USP37: variants seen among roughly 807,000 people sequenced by gnomAD.
USP37 encodes the protein ubiquitin carboxyl-terminal hydrolase 37.
USP37 carries 27 observed loss-of-function variants against 124.0 expected under a neutral mutation model. The ratio of observed to expected loss-of-function variants is 0.22; its 90% CI spans 0.16 to 0.30. USP37 has a LOEUF of 0.30. USP37 is among the 10% of genes least tolerant of loss of function. The pLI, the probability that USP37 is intolerant of heterozygous loss-of-function variation, is 1.00. For missense variants in USP37, 889 were observed against 1,140.4 expected (o/e 0.78, Z 3.17); for synonymous variants, 365 against 388.0 (o/e 0.94, Z 0.70).
At chr2:218,484,420 A>C (rs1348703678) in intron 16 of USP37, among the ~76,000 whole-genome samples, 1 of 151,980 alleles carries the variant, frequency 6.6e-6, no homozygotes, top group South Asian at 2.1e-4. Context: ...TCAGGAGTTC[A>C]AGACCAACCT....
intron 18 of USP37, among the ~76,000 whole-genome samples, chr2:218,478,555 C>T (rs1691092874): frequency 6.6e-6 from 1 of 152,056 alleles, no homozygotes; most frequent in Non-Finnish European, 1.5e-5. Flanking sequence ...TGATCAACTC[C>T]CAAATTTTCA....
chr2:218,485,659 A>G lies in USP37; in HGVS notation c.1670+5T>C. 6.5e-7 allele frequency: 1 copy of G among 1,539,906 alleles called. No homozygotes were observed. The highest frequency in any genetic ancestry group is 8.7e-7 in the Non-Finnish European group (1 of 1,151,398). On this transcript the variant is annotated splice_donor_5th_base_variant and intron_variant, in intron 16 of 25. Transcript: ENST00000258399. ...GCAAAAAAAAAAAAAAAAAAAAAAA[A>G]TTACCTAGGAAGCCTGTTAAATTTG...
intron 13 of USP37, among the ~76,000 whole-genome samples, chr2:218,496,263 A>T (rs1055119261): frequency 3.3e-5 from 5 of 152,040 alleles, no homozygotes; most frequent in Non-Finnish European, 7.4e-5. Context: ...ATTATATTCC[A>T]GTTTGGGTGA....
chr2:218,550,435 A>C (rs1486784530), intron 5 of USP37, among the ~76,000 whole-genome samples: 1 of 82,598 alleles, frequency 1.2e-5, no homozygotes, highest in Non-Finnish European at 2.4e-5. Context: ...TTTTAAAAAT[A>C]TTTTATAATT....
chr2:218,509,196 G>A (rs1689845680), intron 11 of USP37, among the ~76,000 whole-genome samples: 1 of 152,154 alleles, frequency 6.6e-6, no homozygotes, highest in Non-Finnish European at 1.5e-5. Context: ...TTAATGTGCA[G>A]TGAAAAAGAT....
rs759937668 is a variant in USP37 at position 218,454,678 on chromosome 2, T to TATTC, written c.*248_*251dup. On this transcript the variant is annotated 3_prime_UTR_variant, in exon 26 of 26. Coordinates refer to ENST00000258399, the MANE Select transcript of USP37 (RefSeq NM_020935.3). ...TACACAGATATATATTTACAACATGTATTCCTAAGACAAAAGAAGTGCCAC... is the reference window on the plus strand; with the variant it reads ...TACACAGATATATATTTACAACATGTATTCATTCCTAAGACAAAAGAAGTGCCAC... 5.6e-6 allele frequency: 3 copies of TATTC among 533,158 alleles called. No individual in the cohort carries two copies. The highest frequency in any genetic ancestry group is 9.5e-6 in the Non-Finnish European group (3 of 316,330). The allele number at this position is 533,158 out of a possible 1,614,324, so 33.0% of individuals were successfully genotyped here. A position where few individuals can be genotyped will look rare whatever the true frequency, so the allele number is the denominator to read the frequency against.
intron 14 of USP37, among the ~76,000 whole-genome samples, chr2:218,494,682 C>T (rs1337954602): frequency 6.6e-6 from 1 of 152,022 alleles, no homozygotes; most frequent in Non-Finnish European, 1.5e-5. Flanking sequence ...TATATAGAGA[C>T]TGTGAAGAAT....
chr2:218,566,945 A>C (rs541957931), intron 1 of USP37, among the ~76,000 whole-genome samples: 1 of 152,304 alleles, frequency 6.6e-6, no homozygotes, highest in East Asian at 1.9e-4. Flanking sequence ...AGAAAGATCA[A>C]GGCTTTGGAT....
chr2:218,560,018 T>TA (rs1693229922), intron 3 of USP37, among the ~76,000 whole-genome samples: 2 of 151,946 alleles, frequency 1.3e-5, no homozygotes, highest in East Asian at 1.9e-4. Flanking sequence ...ACAAAAAACT[T>TA]AAACTTACAG....
At chr2:218,534,535 G>T in intron 9 of USP37, 74 bp downstream of exon 9, 2 of 790,988 alleles carry the variant, frequency 2.5e-6, no homozygotes, top group Non-Finnish European at 3.6e-6. Context: ...GTACAGATGG[G>T]TTAGGTTTTT....
At chr2:218,530,295 C>T (rs540981413) in intron 9 of USP37, among the ~76,000 whole-genome samples, 1 of 152,092 alleles carries the variant, frequency 6.6e-6, no homozygotes, top group Admixed American at 6.5e-5. Flanking sequence ...TGCCATTTTC[C>T]CAACAGTATA....
Position 218,553,686 on chromosome 2 carries a change from A to G in USP37, c.195T>C (p.Ser65=). ...HNIKNVVLRP[S]GAKQSRLMLT... ...ACATTAGGCGGCTTTGTTTCGCTCC[A>G]CTGGGTCGAAGCACCACATTTTTAA... is the stretch of plus-strand genomic sequence containing the variant. Residue 65 remains serine, a synonymous_variant, in exon 5 of 26, where the codon AGT becomes AGC. Coordinates refer to ENST00000258399, the MANE Select transcript of USP37 (RefSeq NM_020935.3). 6.2e-7 allele frequency: 1 copy of G among 1,613,416 alleles called. No individual in the cohort carries two copies.
intron 11 of USP37, among the ~76,000 whole-genome samples, chr2:218,509,163 A>G (rs1481623372): frequency 3.3e-5 from 5 of 152,232 alleles, no homozygotes; most frequent in Non-Finnish European, 7.3e-5. Flanking sequence ...AAAGTTCTGT[A>G]TTAATATACA....
rs923820547 is a variant in USP37 at position 218,453,432 on chromosome 2, C to T, written c.*1498G>A. ...TCTGAAAACCTGATGTGGTTTTGTCCCTACCTCTGAGAACTAAAGAATAAT... is the reference window on the plus strand; with the variant it reads ...TCTGAAAACCTGATGTGGTTTTGTCTCTACCTCTGAGAACTAAAGAATAAT... On this transcript the variant is annotated 3_prime_UTR_variant, in exon 26 of 26. Transcript: ENST00000258399. 1 of 151,562 alleles carries T rather than the reference C, an allele frequency of 6.6e-6. No individual in the cohort carries two copies. The highest frequency in any genetic ancestry group is 6.6e-5 in the Admixed American group (1 of 15,186). 9.4% of individuals were successfully genotyped at this position (151,562 alleles called of 1,614,324 possible).
At chr2:218,545,346 T>C (rs1005767836) in intron 8 of USP37, among the ~76,000 whole-genome samples, 2 of 152,158 alleles carry the variant, frequency 1.3e-5, no homozygotes, top group African/African-American at 4.8e-5. Flanking sequence ...CTTCAACTAA[T>C]AGAAATGGAG....
intron 16 of USP37, 75 bp from the exon 17 acceptor site, chr2:218,482,309 T>C (rs113214598): frequency 1.4e-6 from 2 of 1,446,360 alleles, no homozygotes; most frequent in Non-Finnish European, 1.8e-6. Flanking sequence ...AAGAGATCAC[T>C]CTATGTTAGA....
chr2:218,496,288 G>A lies in USP37; in HGVS notation c.1282-338C>T, dbSNP rs565292474. On this transcript the variant is annotated intron_variant, in intron 13 of 25. Coordinates refer to ENST00000258399, the MANE Select transcript of USP37 (RefSeq NM_020935.3). ...AGTTTGGGTGACAGAGCAAGATTCC[G>A]TCTCAAAAGAAAAGAAAAAAAAACC... is the stretch of plus-strand genomic sequence containing the variant. 4.0e-5 allele frequency among the ~76,000 whole-genome samples: 6 copies of A among 151,118 alleles called. No individual in the cohort carries two copies. In the East Asian group the frequency reaches 5.8e-4, roughly 15 times the overall value.
intron 2 of USP37, among the ~76,000 whole-genome samples, chr2:218,561,819 C>G (rs1693328186): frequency 6.6e-6 from 1 of 152,176 alleles, no homozygotes; most frequent in Non-Finnish European, 1.5e-5. Flanking sequence ...CTTCAGGACT[C>G]AGGCCCTGCT....
chr2:218,546,063 A>G (rs112929182), intron 8 of USP37, among the ~76,000 whole-genome samples, 158 bp downstream of exon 8: 1 of 152,178 alleles, frequency 6.6e-6, no homozygotes, highest in African/African-American at 2.4e-5. Flanking sequence ...CTCTCTATTG[A>G]GCCTACAGTC....
Sources: allele counts gnomAD v4.1 joint callset (sites outside exome capture counted in the v4.1 genomes callset), GRCh38; gene constraint gnomAD v4.1.1; transcripts MANE v1.5; gene names NCBI Gene and HGNC (gene_info 2026-07-23, HGNC 2026-07-21).